Variants in LTN1 observed in about 807,000 individuals in gnomAD.
LTN1 encodes listerin E3 ubiquitin protein ligase 1.
Under a neutral mutation model 201.2 loss-of-function variants are expected in LTN1, and 88 were observed. The ratio of observed to expected loss-of-function variants is 0.44; its 90% confidence interval spans 0.37 to 0.52. LTN1 has a LOEUF of 0.52. Among genes scored for constraint, LTN1 ranks in the 20% least tolerant of loss-of-function variants. LTN1 has a pLI of 0.00. For synonymous variants in LTN1, 645 were observed against 713.5 expected, an observed-to-expected ratio of 0.90 and a Z score of 1.53; for missense variants, 1,752 against 2,038.7, an observed-to-expected ratio of 0.86 and a Z score of 2.71.
At chr21:28,967,686 T>A (rs572810440) in intron 9 of LTN1, 16 of 152,500 alleles carry the variant, frequency 1.0e-4, no homozygotes, top group African/African-American at 3.8e-4. Context: ...TGAGACAGTC[T>A]AGCAAATTAA....
chr21:28,957,212 A>G (rs953118585), intron 15 of LTN1, 120 bp downstream of exon 15: 17 of 1,041,188 alleles, frequency 1.6e-5, no homozygotes, highest in Admixed American at 2.7e-5. Flanking sequence ...ATACAAAGAC[A>G]TCAAAGCAAA....
chr21:28,960,806 G>C, intron 11 of LTN1, 100 bp from the exon 12 acceptor site: 2 of 765,216 alleles, frequency 2.6e-6, no homozygotes, highest in Non-Finnish European at 4.2e-6. Flanking sequence ...CGTTATCATG[G>C]CTCCAATTCT....
intron 21 of LTN1, 91 bp downstream of exon 21, chr21:28,945,716 C>A (rs560090300): frequency 2.6e-6 from 3 of 1,161,402 alleles, no homozygotes; most frequent in Non-Finnish European, 3.6e-6. Flanking sequence ...CAATTACAAT[C>A]ATCACTTAAA....
chr21:28,944,267 C>A, intron 22 of LTN1, 116 bp downstream of exon 22: 1 of 762,842 alleles, frequency 1.3e-6, no homozygotes, highest in Non-Finnish European at 2.2e-6. Context: ...TCTCTTCTGG[C>A]TTTTTCTTTT....
chr21:28,942,445 A>G (rs745711566), intron 24 of LTN1, among the ~76,000 whole-genome samples: 17 of 152,148 alleles, frequency 1.1e-4, no homozygotes, highest in Non-Finnish European at 2.5e-4. Flanking sequence ...TTTTAAGGCC[A>G]TTTATTATAG....
chr21:28,971,200 C>T, intron 7 of LTN1, 71 bp downstream of exon 7: 1 of 1,223,768 alleles, frequency 8.2e-7, no homozygotes, highest in African/African-American at 1.5e-5. Context: ...AAGCATTTTC[C>T]CAGTAAGTTT....
Position 28,944,416 on chromosome 21 carries a change from T to A in LTN1, c.3949A>T (p.Ser1317Cys). 1 of 1,613,928 alleles carries A rather than the reference T, an allele frequency of 6.2e-7. No individual in the cohort carries two copies. The highest frequency in any genetic ancestry group is 1.1e-5 in the South Asian group (1 of 91,086). Residue 1317 changes from serine (S) to cysteine (C), a missense_variant, in exon 22 of 30, where the codon AGT (serine) becomes TGT (cysteine). Around this residue, in one of 3 missense-constraint regions of LTN1, gnomAD observed 1,211 missense variants for 1,312.8 expected, o/e 0.92. Transcript: ENST00000361371. Reference protein sequence around the residue: ...WKEFFSQGIHSLLLPILVTVT... With the variant: ...WKEFFSQGIHCLLLPILVTVT... ...GTCACCAAAATAGGTAAAAGCAAAC[T>A]GTGGATGCCTTGGGAAAAAAATTCT...
At chr21:28,944,820 G>A (rs2084324920) in intron 21 of LTN1, among the ~76,000 whole-genome samples, 1 of 152,106 alleles carries the variant, frequency 6.6e-6, no homozygotes, top group African/African-American at 2.4e-5. Context: ...TTATTCTCAA[G>A]TACCCTTTTT....
chr21:28,948,929 T>A (rs2084362389), intron 18 of LTN1, among the ~76,000 whole-genome samples: 1 of 152,214 alleles, frequency 6.6e-6, no homozygotes, highest in Admixed American at 6.5e-5. Context: ...CTCAAAGGAT[T>A]TGAATGTATT....
intron 4 of LTN1, 31 bp downstream of exon 4, chr21:28,984,661 A>G: frequency 6.4e-7 from 1 of 1,551,808 alleles, no homozygotes; most frequent in Non-Finnish European, 8.8e-7. Context: ...TTAAAAAAAA[A>G]AAATAGATTC....
intron 3 of LTN1, among the ~76,000 whole-genome samples, chr21:28,985,343 C>G (rs957841207): frequency 6.6e-6 from 1 of 151,958 alleles, no homozygotes; most frequent in Admixed American, 6.6e-5. Flanking sequence ...CACCTGTAAT[C>G]CCAGTTACTC....
chr21:28,959,520 T>A lies in LTN1; in HGVS notation c.2531A>T (p.Glu844Val). 1 of 1,614,036 alleles carries A rather than the reference T, an allele frequency of 6.2e-7. No homozygotes were observed. Among genetic ancestry groups the A allele is most frequent in the Non-Finnish European group, 8.5e-7 (1 of 1,179,958 alleles). Residue 844 changes from glutamate (E) to valine (V), a missense_variant, in exon 13 of 30, where the codon GAA becomes GTA. By Grantham distance (121) the Glu-to-Val change is moderately radical. Transcript: ENST00000361371. ...AKGCLLMPSSEDLLLTLFQLC... is the reference protein window; with the variant it reads ...AKGCLLMPSSVDLLLTLFQLC... ...CTGAAAGAGAGTTAATAATAAATCTTCAGATGATGGCATTAGCAAGCATCC... is the reference window on the plus strand; with the variant it reads ...CTGAAAGAGAGTTAATAATAAATCTACAGATGATGGCATTAGCAAGCATCC...
chr21:28,973,954 C>A (rs1047708729), intron 6 of LTN1, among the ~76,000 whole-genome samples: 1 of 151,952 alleles, frequency 6.6e-6, no homozygotes, highest in Non-Finnish European at 1.5e-5. Context: ...TACTCCATAA[C>A]CAAAAAATTA....
Position 28,943,365 on chromosome 21 carries a change from T to A in LTN1, c.4221-29A>T, listed in dbSNP as rs757000778. The A allele has an allele frequency of 2.4e-5, 32 of 1,320,494 alleles. No individual in the cohort carries two copies. In the East Asian group the frequency reaches 7.4e-4, roughly 30 times the overall value. 81.8% of individuals were successfully genotyped at this position (1,320,494 alleles called of 1,614,324 possible). ...GAAATTAGAACATTATTTTTAAATA[T>A]GTGATATTAAACTGTTTATTAAGTC... On this transcript the variant is annotated intron_variant, in intron 23 of 29. Coordinates refer to ENST00000361371, the MANE Select transcript of LTN1 (RefSeq NM_015565.3).
chr21:28,992,753 C>A lies in LTN1; in HGVS notation c.42+11G>T, dbSNP rs1238628469. On this transcript the variant is annotated intron_variant, in intron 1 of 29. Transcript: ENST00000361371. Reference sequence around the variant, plus strand: ...GAGGCTCCCGGGTCGGCCGAGCCAGCCCCCGCTCACCCTCAGGTTCCCTTT... The same window carrying A: ...GAGGCTCCCGGGTCGGCCGAGCCAGACCCCGCTCACCCTCAGGTTCCCTTT... The A allele has an allele frequency of 6.2e-7, 1 of 1,613,932 alleles. No homozygotes were observed. Among genetic ancestry groups the A allele is most frequent in the Non-Finnish European group, 8.5e-7 (1 of 1,179,928 alleles).
intron 6 of LTN1, among the ~76,000 whole-genome samples, chr21:28,979,828 C>T (rs779782904): frequency 4.6e-5 from 7 of 151,982 alleles, no homozygotes; most frequent in Non-Finnish European, 8.8e-5. Flanking sequence ...AAAAATCAGC[C>T]GGGCGTGCTG....
At chr21:28,962,886 T>C (rs1296898838) in intron 11 of LTN1, among the ~76,000 whole-genome samples, 1 of 152,226 alleles carries the variant, frequency 6.6e-6, no homozygotes, top group Non-Finnish European at 1.5e-5. Flanking sequence ...ACTGCTGATA[T>C]GGACAAAGTT....
chr21:28,967,201 C>A, intron 9 of LTN1, 22 bp from the exon 10 acceptor site: 8 of 1,542,354 alleles, frequency 5.2e-6, no homozygotes, highest in Non-Finnish European at 7.1e-6. Context: ...GGTAGAATAT[C>A]ATAAAATATA....
At chr21:28,959,022 GTC>G (rs1185770859) in intron 13 of LTN1, among the ~76,000 whole-genome samples, 1 of 152,062 alleles carries the variant, frequency 6.6e-6, no homozygotes, top group African/African-American at 2.4e-5. Flanking sequence ...TCACAAATAA[GTC>G]TGAATTAGCA....
Sources: gnomAD v4.1 joint callset for allele counts (sites outside exome capture counted in the v4.1 genomes callset) on GRCh38, gnomAD v4.1.1 for gene constraint, gnomAD v4.1.1 regional missense constraint, MANE v1.5 for transcripts, NCBI Gene and HGNC (gene_info 2026-07-23, HGNC 2026-07-21) for gene names.